The following ARID1B variants were observed in gnomAD, a reference collection of about 807,000 sequenced individuals.
ARID1B encodes AT-rich interaction domain 1B, also known as AT-rich interactive domain-containing protein 1B.
A neutral mutation model predicts 212.3 loss-of-function variants in ARID1B; 30 were observed. The ratio of observed to expected loss-of-function variants is 0.14; its 90% CI spans 0.11 to 0.19. The LOEUF is 0.19. ARID1B is among the 10% of genes least tolerant of loss of function. The probability of loss-of-function intolerance (pLI) is 1.00; values close to 1 mark genes in which losing one functional copy is unlikely to be tolerated. For missense variants in ARID1B, 2,891 were observed against 3,204.0 expected, an observed-to-expected ratio of 0.90 and a Z score of 2.36; for synonymous variants, 1,402 against 1,301.7, an observed-to-expected ratio of 1.08 and a Z score of -1.66.
intron 6 of ARID1B, among the ~76,000 whole-genome samples, chr6:157,116,255 C>T (rs1452596435): frequency 3.9e-5 from 6 of 152,004 alleles, no homozygotes; most frequent in Admixed American, 3.9e-4. Context: ...AAATGCCCTT[C>T]TAGTTTATTG....
chr6:157,145,225 T>A (rs1016944992), intron 7 of ARID1B, among the ~76,000 whole-genome samples: 1 of 152,164 alleles, frequency 6.6e-6, no homozygotes, highest in Non-Finnish European at 1.5e-5. Context: ...TATTAGCTTG[T>A]CCCAAGACCG....
rs541721882 is a variant in ARID1B at position 157,148,562 on chromosome 6, T to A, written c.2762-62T>A. On this transcript the variant is annotated intron_variant, in intron 7 of 19. Coordinates refer to ENST00000636930, the MANE Select transcript of ARID1B (RefSeq NM_001374828.1). The surrounding 1 kb of genome is among the most constrained non-coding windows in gnomAD (Gnocchi z 5.6). ...ATCGCATTGTTGGACAAAAAGTATT[T>A]CCAGTGAATGTTGTCACAAGTTTAA... 6.6e-7 allele frequency: 1 copy of A among 1,522,690 alleles called. No homozygotes were observed. The highest frequency in any genetic ancestry group is 1.8e-5 in the Admixed American group (1 of 54,166). 94.3% of individuals were successfully genotyped at this position (1,522,690 alleles called of 1,614,324 possible). A position where few individuals can be genotyped will look rare whatever the true frequency, so the allele number is the denominator to read the frequency against.
intron 11 of ARID1B, among the ~76,000 whole-genome samples, chr6:157,178,186 T>C (rs1792238925): frequency 6.6e-6 from 1 of 152,146 alleles, no homozygotes; most frequent in Admixed American, 6.5e-5. Flanking sequence ...AAATCCTGTT[T>C]ATAGGATATT....
intron 2 of ARID1B, among the ~76,000 whole-genome samples, chr6:156,860,722 A>G (rs139324026): frequency 1.3e-5 from 2 of 152,358 alleles, no homozygotes; most frequent in East Asian, 3.9e-4. Flanking sequence ...GTATACCCAC[A>G]AAAGATTATT....
chr6:157,123,285 T>C (rs1485010954), intron 6 of ARID1B, among the ~76,000 whole-genome samples: 1 of 116,594 alleles, frequency 8.6e-6, no homozygotes, highest in Non-Finnish European at 1.6e-5. Context: ...ATCTGCCAGA[T>C]CAGGAAGGAT....
chr6:157,092,624 C>T (rs1785349636), intron 5 of ARID1B, among the ~76,000 whole-genome samples: 1 of 152,224 alleles, frequency 6.6e-6, no homozygotes, highest in African/African-American at 2.4e-5. Context: ...CTTTTCTCCT[C>T]TTCTTTCTCC....
rs369520786 is a variant in ARID1B, at chr6:157,200,205, G to A, written c.4480-500G>A. On this transcript the variant is annotated intron_variant, in intron 17 of 19. Transcript: ENST00000636930. The surrounding 1 kb of genome is among the most constrained non-coding windows in gnomAD (Gnocchi z 4.3). ...GCCAGAAGTCAGGGCAGGAGCCGTGGGATGGATGTTGGGTGACACGGGCCA... is the reference window on the plus strand; with the variant it reads ...GCCAGAAGTCAGGGCAGGAGCCGTGAGATGGATGTTGGGTGACACGGGCCA... 7.2e-5 allele frequency among the ~76,000 whole-genome samples: 11 copies of A among 152,278 alleles called. No individual in the cohort carries two copies. In the East Asian group the frequency reaches 1.5e-3, roughly 21 times the overall value.
intron 1 of ARID1B, among the ~76,000 whole-genome samples, chr6:156,807,100 T>C (rs1175705116): frequency 4.6e-5 from 7 of 152,136 alleles, no homozygotes; most frequent in Admixed American, 1.3e-4. Flanking sequence ...CTGGACAGCG[T>C]GCGTTTTTCC....
At chr6:157,122,216 T>G (rs901848846) in intron 6 of ARID1B, among the ~76,000 whole-genome samples, 2 of 152,152 alleles carry the variant, frequency 1.3e-5, no homozygotes, top group Non-Finnish European at 2.9e-5. Flanking sequence ...AACACAGGTC[T>G]CCATAATAGA....
At chr6:156,976,424 G>A (rs1777253645) in intron 4 of ARID1B, 2 of 170,076 alleles carry the variant, frequency 1.2e-5, no homozygotes, top group South Asian at 2.8e-4. Flanking sequence ...GTGGAGTTGG[G>A]GGGACTTCCT....
chr6:157,159,163 A>G (rs1790760637), intron 8 of ARID1B, among the ~76,000 whole-genome samples: 1 of 152,234 alleles, frequency 6.6e-6, no homozygotes, highest in African/African-American at 2.4e-5. Flanking sequence ...TGAAATCAGA[A>G]TCTCTGAACT....
chr6:156,898,921 A>G (rs1363204097), intron 2 of ARID1B, among the ~76,000 whole-genome samples: 1 of 152,208 alleles, frequency 6.6e-6, no homozygotes, highest in Non-Finnish European at 1.5e-5. Context: ...TGGCGAGCCA[A>G]GATCGCGCCA....
At chr6:157,067,125 T>C (rs6907811) in intron 4 of ARID1B, among the ~76,000 whole-genome samples, 7 of 152,334 alleles carry the variant, frequency 4.6e-5, no homozygotes, top group African/African-American at 1.7e-4. Flanking sequence ...TTCCAAGACT[T>C]TCTTCTGTCT....
chr6:156,881,108 A>T (rs927449757), intron 2 of ARID1B, among the ~76,000 whole-genome samples: 1 of 152,164 alleles, frequency 6.6e-6, no homozygotes, highest in Non-Finnish European at 1.5e-5. Flanking sequence ...GAGCCCTGCC[A>T]GGTGAGTTGG....
chr6:157,137,690 T>C (rs534301803), intron 7 of ARID1B, among the ~76,000 whole-genome samples: 1 of 152,158 alleles, frequency 6.6e-6, no homozygotes, highest in Non-Finnish European at 1.5e-5. Flanking sequence ...TAACAGTAGT[T>C]CTGAGTCTAG....
At chr6:156,946,104 C>G (rs1435681357) in intron 4 of ARID1B, among the ~76,000 whole-genome samples, 1 of 151,850 alleles carries the variant, frequency 6.6e-6, no homozygotes, top group Non-Finnish European at 1.5e-5. Context: ...TGCCTTTAAT[C>G]CCAGCACTTC....
Position 157,113,958 on chromosome 6 carries a change from G to T in ARID1B, c.2581+3397G>T, listed in dbSNP as rs184459211. The stretch of plus-strand genomic sequence containing the variant: ...CTTTGATCAAATGCCACCTGATCAG[G>T]TGTCTAAATGACAGTGACTTTAGTG... On this transcript the variant is annotated intron_variant, in intron 6 of 19. Transcript: ENST00000636930. Among the ~76,000 whole-genome samples the T allele has an allele frequency of 6.6e-5, 10 of 152,288 alleles. No individual in the cohort carries two copies. The East Asian group carries it at 1.9e-3, about 29-fold the overall frequency.
At chr6:156,818,123 T>TC (rs1782100275) in intron 1 of ARID1B, among the ~76,000 whole-genome samples, 1 of 148,916 alleles carries the variant, frequency 6.7e-6, no homozygotes, top group South Asian at 2.2e-4. Context: ...TTTTTTTTTT[T>TC]TAGAATATAA....
At chr6:156,820,600 A>G (rs1026279075) in intron 1 of ARID1B, among the ~76,000 whole-genome samples, 5 of 152,244 alleles carry the variant, frequency 3.3e-5, no homozygotes, top group African/African-American at 9.6e-5. Flanking sequence ...ATCCACCAGC[A>G]ACACTGCGAG....
Sources: allele counts gnomAD v4.1 joint callset (sites outside exome capture counted in the v4.1 genomes callset), GRCh38; gene constraint gnomAD v4.1.1; non-coding constraint Gnocchi (gnomAD v3.1); transcripts MANE v1.5; gene names NCBI Gene and HGNC (gene_info 2026-07-23, HGNC 2026-07-21).